DMRT1: variants seen among roughly 807,000 people sequenced by gnomAD.
The protein encoded by DMRT1 is doublesex- and mab-3-related transcription factor 1.
A neutral mutation model predicts 32.3 loss-of-function variants in DMRT1; 7 were observed. That is an observed-to-expected ratio of 0.22 (90% CI 0.12 to 0.41). DMRT1 has a LOEUF of 0.41. DMRT1 is among the 10% of genes least tolerant of loss of function. The pLI, the probability that DMRT1 is intolerant of heterozygous loss-of-function variation, is 1.00. For synonymous variants in DMRT1, 278 were observed against 206.1 expected (o/e 1.35, Z -2.99); for missense variants, 625 against 500.5 (o/e 1.25, Z -2.37).
chr9:930,840 CTGTT>C (rs2129857677), intron 4 of DMRT1, among the ~76,000 whole-genome samples: 1 of 152,286 alleles, frequency 6.6e-6, no homozygotes, highest in Admixed American at 6.5e-5. Context: ...GTGCCCAGCC[CTGTT>C]TGTCTTTTTA....
At chr9:855,062 C>G (rs1056469549) in intron 2 of DMRT1, among the ~76,000 whole-genome samples, 4 of 151,736 alleles carry the variant, frequency 2.6e-5, no homozygotes, top group Non-Finnish European at 5.9e-5. Flanking sequence ...CCACCATGCC[C>G]GGCCAGGGAC....
chr9:945,322 T>A (rs1586650488), intron 4 of DMRT1, among the ~76,000 whole-genome samples: 1 of 152,148 alleles, frequency 6.6e-6, no homozygotes, highest in South Asian at 2.1e-4. Flanking sequence ...CCTGGCTAAT[T>A]TTTTTGTATT....
intron 4 of DMRT1, among the ~76,000 whole-genome samples, chr9:949,108 A>G (rs183541287): frequency 6.6e-6 from 1 of 151,940 alleles, no homozygotes; most frequent in East Asian, 1.9e-4. Flanking sequence ...ACAAAACAAA[A>G]CAAAAACACA....
Position 892,496 on chromosome 9 carries a change from C to T in DMRT1, c.539-1416C>T, listed in dbSNP as rs144370812. Among the ~76,000 whole-genome samples, 913 of 152,264 alleles carry T rather than the reference C, an allele frequency of 6.0e-3. 14 individuals are homozygous for T. The highest frequency in any genetic ancestry group is 0.021 in the African/African-American group (877 of 41,560). On this transcript the variant is annotated intron_variant, in intron 2 of 4. Coordinates refer to ENST00000382276, the MANE Select transcript of DMRT1 (RefSeq NM_021951.3). ...TGCATCTTAATTCCTGGCAGCCCCTCAGCCCTCCAGTTCTGTTGCGTTTCA... is the reference window on the plus strand; with the variant it reads ...TGCATCTTAATTCCTGGCAGCCCCTTAGCCCTCCAGTTCTGTTGCGTTTCA...
At chr9:935,246 C>G (rs1372355094) in intron 4 of DMRT1, among the ~76,000 whole-genome samples, 1 of 152,180 alleles carries the variant, frequency 6.6e-6, no homozygotes, top group Non-Finnish European at 1.5e-5. Context: ...CCCCTATATC[C>G]TCTAGTGTCC....
In DMRT1 at chr9:968,099, G is replaced by A. The variant is rs1190416218; in HGVS notation, c.1082G>A (p.Ser361Asn). The change falls in exon 5 of 5, where the codon AGC becomes AAC. Residue 361 changes from serine to asparagine, a missense_variant. Coordinates refer to ENST00000382276, the MANE Select transcript of DMRT1 (RefSeq NM_021951.3). ...VLECEPASEPSSFTVTPVIEE... is the reference protein window; with the variant it reads ...VLECEPASEPNSFTVTPVIEE... ...GAATGTGAGCCTGCGTCGGAGCCCA[G>A]CAGCTTCACAGTCACTCCCGTCATC... 5.6e-6 allele frequency: 9 copies of A among 1,614,164 alleles called. No homozygotes were observed. In the South Asian group the frequency reaches 9.9e-5, roughly 18 times the overall value.
At chr9:904,978 T>G (rs1196478364) in intron 3 of DMRT1, among the ~76,000 whole-genome samples, 2 of 151,604 alleles carry the variant, frequency 1.3e-5, no homozygotes, top group Non-Finnish European at 2.9e-5. Context: ...AATTCTCTTA[T>G]TCCTGTTTCG....
At chr9:896,062 C>G (rs915264058) in intron 3 of DMRT1, among the ~76,000 whole-genome samples, 4 of 151,824 alleles carry the variant, frequency 2.6e-5, no homozygotes, top group African/African-American at 9.7e-5. Flanking sequence ...CTCAGCCTCC[C>G]AAAGTGCTGG....
At chr9:917,423 T>A (rs1450395795) in intron 4 of DMRT1, among the ~76,000 whole-genome samples, 1 of 152,236 alleles carries the variant, frequency 6.6e-6, no homozygotes, top group Non-Finnish European at 1.5e-5. Flanking sequence ...AAAAAATGAC[T>A]GTTTAATGAA....
At chr9:887,052 G>A (rs1226401140) in intron 2 of DMRT1, among the ~76,000 whole-genome samples, 8 of 152,214 alleles carry the variant, frequency 5.3e-5, no homozygotes, top group Non-Finnish European at 1.2e-4. Flanking sequence ...TTAGCTGGGC[G>A]TGGTGGCGGG....
intron 4 of DMRT1, among the ~76,000 whole-genome samples, chr9:936,137 A>G (rs569853000): frequency 5.9e-5 from 9 of 152,304 alleles, no homozygotes; most frequent in East Asian, 5.8e-4. Context: ...TGTAAAATAC[A>G]TTTCTCTCTC....
intron 2 of DMRT1, among the ~76,000 whole-genome samples, chr9:861,260 G>C (rs1052244942): frequency 1.4e-4 from 21 of 151,980 alleles, no homozygotes; most frequent in African/African-American, 4.6e-4. Flanking sequence ...TTAGGGAGTG[G>C]TGATGACTCT....
At chr9:963,114 T>C (rs1819827567) in intron 4 of DMRT1, among the ~76,000 whole-genome samples, 1 of 152,232 alleles carries the variant, frequency 6.6e-6, no homozygotes, top group African/African-American at 2.4e-5. Flanking sequence ...TTGCCAGTGC[T>C]TGCAAAGGTT....
intron 4 of DMRT1, among the ~76,000 whole-genome samples, chr9:939,550 C>T (rs1012699272): frequency 3.5e-4 from 54 of 152,264 alleles, no homozygotes; most frequent in African/African-American, 1.2e-3. Context: ...TTCTTTCTCT[C>T]GTTTGTTCTC....
intron 4 of DMRT1, among the ~76,000 whole-genome samples, chr9:953,753 C>T (rs1030125507): frequency 1.3e-5 from 2 of 152,182 alleles, no homozygotes; most frequent in African/African-American, 2.4e-5. Context: ...GTGCTGATCA[C>T]GATTGGTCTA....
chr9:930,321 T>G (rs981079500), intron 4 of DMRT1, among the ~76,000 whole-genome samples: 1 of 138,896 alleles, frequency 7.2e-6, no homozygotes, highest in Non-Finnish European at 1.5e-5. Context: ...GTCATCTGAA[T>G]TCCTTGGCTC....
intron 4 of DMRT1, among the ~76,000 whole-genome samples, chr9:930,025 G>A (rs16926231): frequency 0.047 from 7,088 of 152,126 alleles, 445 homozygotes; most frequent in African/African-American, 0.14. Context: ...GTGCCCAGCC[G>A]TCTTGACTTT....
At chr9:897,436 A>C (rs1470413282) in intron 3 of DMRT1, among the ~76,000 whole-genome samples, 1 of 152,028 alleles carries the variant, frequency 6.6e-6, no homozygotes, top group Non-Finnish European at 1.5e-5. Flanking sequence ...CTTTTAAAGC[A>C]CATTGATATT....
rs567468881 is a variant in DMRT1, at chr9:847,162, G to T, written c.538+19G>T. On this transcript the variant is annotated intron_variant, in intron 2 of 4. Coordinates refer to ENST00000382276, the MANE Select transcript of DMRT1 (RefSeq NM_021951.3). ...GCTTCAGGTAATCTGGAGGGGCTGG[G>T]GTTCACATGGAGGCTGGGCATGAGG... The T allele has an allele frequency of 6.2e-7, 1 of 1,610,590 alleles. No homozygotes were observed. The highest frequency in any genetic ancestry group is 8.5e-7 in the Non-Finnish European group (1 of 1,178,774).
Sources: allele counts gnomAD v4.1 joint callset (sites outside exome capture counted in the v4.1 genomes callset), GRCh38; gene constraint gnomAD v4.1.1; transcripts MANE v1.5; gene names NCBI Gene and HGNC (gene_info 2026-07-23, HGNC 2026-07-21).